The following SPATA16 variants were observed in gnomAD, a reference collection of about 807,000 sequenced individuals.
The protein encoded by SPATA16 is spermatogenesis associated 16.
A neutral mutation model predicts 63.3 loss-of-function variants in SPATA16; 36 were observed. The observed-to-expected ratio is 0.57, with a 90% CI of 0.44 to 0.75. The LOEUF is 0.75. Ranked by LOEUF, SPATA16 falls within the 30% of genes least tolerant of loss-of-function variation. SPATA16 has a pLI of 0.00. For synonymous variants in SPATA16, 203 were observed against 216.7 expected, an observed-to-expected ratio of 0.94 and a Z score of 0.56; for missense variants, 646 against 679.3, an observed-to-expected ratio of 0.95 and a Z score of 0.54.
chr3:173,104,214 G>A lies in SPATA16; in HGVS notation c.612+12906C>T, dbSNP rs192404257. 2.1e-3 allele frequency among the ~76,000 whole-genome samples: 324 copies of A among 152,252 alleles called. 1 individual carries two copies. The highest frequency in any genetic ancestry group is 7.6e-3 in the African/African-American group (316 of 41,556). On this transcript the variant is annotated intron_variant, in intron 2 of 10. Transcript: ENST00000351008. ...CAATTATTTAACCAGTTTCTAAGAAGTTCCAAAGTTTCCCTCATCTTCCTT... is the reference window on the plus strand; with the variant it reads ...CAATTATTTAACCAGTTTCTAAGAAATTCCAAAGTTTCCCTCATCTTCCTT...
chr3:172,952,044 C>A (rs1440450989), intron 6 of SPATA16, among the ~76,000 whole-genome samples: 1 of 152,096 alleles, frequency 6.6e-6, no homozygotes, highest in Admixed American at 6.6e-5. Context: ...TCTCTTGGAG[C>A]ATCAGTGTCT....
At chr3:172,907,398 A>G (rs1732265880) in intron 10 of SPATA16, among the ~76,000 whole-genome samples, 1 of 151,978 alleles carries the variant, frequency 6.6e-6, no homozygotes, top group African/African-American at 2.4e-5. Context: ...TCATTTCCCT[A>G]CTTCTATTCT....
chr3:172,989,116 T>C (rs1421186834), intron 4 of SPATA16, among the ~76,000 whole-genome samples: 2 of 152,168 alleles, frequency 1.3e-5, no homozygotes, highest in Non-Finnish European at 2.9e-5. Context: ...GTTCTGCTTG[T>C]ACTAAAATCT....
chr3:172,950,878 C>G (rs1443240539), intron 6 of SPATA16, among the ~76,000 whole-genome samples: 1 of 152,036 alleles, frequency 6.6e-6, no homozygotes, highest in East Asian at 1.9e-4. Flanking sequence ...TTAAACATTA[C>G]TAACCACAGA....
intron 5 of SPATA16, among the ~76,000 whole-genome samples, chr3:172,959,120 T>C (rs1733675965): frequency 6.6e-6 from 1 of 152,138 alleles, no homozygotes; most frequent in South Asian, 2.1e-4. Flanking sequence ...TCCAGTTTGC[T>C]TCCAGAAAGA....
At chr3:173,079,711 C>G (rs1736882766) in intron 2 of SPATA16, among the ~76,000 whole-genome samples, 1 of 152,174 alleles carries the variant, frequency 6.6e-6, no homozygotes, top group Non-Finnish European at 1.5e-5. Flanking sequence ...CAACACAAAC[C>G]TGTAAACTAA....
intron 10 of SPATA16, among the ~76,000 whole-genome samples, chr3:172,906,587 A>T (rs751989570): frequency 6.6e-6 from 1 of 152,154 alleles, no homozygotes; most frequent in Admixed American, 6.5e-5. Flanking sequence ...TACAGACAAC[A>T]GTGCTGGTCA....
intron 1 of SPATA16, among the ~76,000 whole-genome samples, chr3:173,129,567 C>A (rs1403948712): frequency 6.6e-6 from 1 of 151,450 alleles, no homozygotes; most frequent in African/African-American, 2.4e-5. Context: ...TCTGTGTATT[C>A]ACTGTATTAT....
At chr3:173,077,558 C>T (rs1207932719) in intron 2 of SPATA16, among the ~76,000 whole-genome samples, 3 of 152,228 alleles carry the variant, frequency 2.0e-5, no homozygotes, top group South Asian at 2.1e-4. Context: ...TTCCCAGAGC[C>T]GGTGGTGAGA....
At chr3:173,035,247 G>A (rs771893337) in intron 3 of SPATA16, among the ~76,000 whole-genome samples, 13 of 152,222 alleles carry the variant, frequency 8.5e-5, no homozygotes, top group South Asian at 2.1e-4. Flanking sequence ...TAAACTGTGC[G>A]ATGCTTGCAA....
At chr3:172,910,616 C>T (rs1732349588) in intron 10 of SPATA16, among the ~76,000 whole-genome samples, 1 of 151,754 alleles carries the variant, frequency 6.6e-6, no homozygotes, top group African/African-American at 2.4e-5. Flanking sequence ...TTTCTATAGC[C>T]AACAGAGATA....
chr3:173,073,155 G>T (rs1358986684), intron 2 of SPATA16, among the ~76,000 whole-genome samples: 7 of 152,190 alleles, frequency 4.6e-5, no homozygotes, highest in South Asian at 4.1e-4. Context: ...TTCAAGAGGT[G>T]ACTTGGGTGC....
chr3:172,987,488 C>T (rs1449892019), intron 4 of SPATA16, among the ~76,000 whole-genome samples: 2 of 152,194 alleles, frequency 1.3e-5, no homozygotes, highest in African/African-American at 4.8e-5. Context: ...AGGGAACCCT[C>T]ACCTTCAGGT....
chr3:173,133,789 A>T (rs1183628784), intron 1 of SPATA16, among the ~76,000 whole-genome samples: 4 of 152,232 alleles, frequency 2.6e-5, no homozygotes, highest in African/African-American at 9.6e-5. Context: ...AAAAGAAAGA[A>T]AGGAAAAAGG....
intron 10 of SPATA16, among the ~76,000 whole-genome samples, chr3:172,894,936 AC>A (rs1731978016): frequency 6.6e-6 from 1 of 152,196 alleles, no homozygotes; most frequent in Non-Finnish European, 1.5e-5. Flanking sequence ...TTCATAAGCT[AC>A]CCAGGCTATG....
At chr3:173,012,824 C>A (rs181876789) in intron 4 of SPATA16, among the ~76,000 whole-genome samples, 1 of 152,288 alleles carries the variant, frequency 6.6e-6, no homozygotes, top group African/African-American at 2.4e-5. Context: ...CTATAAAAAT[C>A]TTGGAAGAAA....
chr3:172,957,733 T>G (rs1208207525), intron 5 of SPATA16, among the ~76,000 whole-genome samples: 1 of 152,178 alleles, frequency 6.6e-6, no homozygotes, highest in Non-Finnish European at 1.5e-5. Context: ...ATAATAGATA[T>G]AAGCTTTTCA....
intron 4 of SPATA16, among the ~76,000 whole-genome samples, chr3:173,016,311 G>A (rs1735185166): frequency 1.3e-5 from 2 of 152,204 alleles, no homozygotes; most frequent in South Asian, 4.1e-4. Context: ...ACCACAGGGA[G>A]TAGCATTTCC....
At chr3:172,911,441 C>G (rs976500240) in intron 10 of SPATA16, among the ~76,000 whole-genome samples, 2 of 152,252 alleles carry the variant, frequency 1.3e-5, no homozygotes, top group East Asian at 1.9e-4. Context: ...TTCCCCAGCC[C>G]GAAGACATGG....
Sources: gnomAD v4.1 joint callset for allele counts (sites outside exome capture counted in the v4.1 genomes callset) on GRCh38, gnomAD v4.1.1 for gene constraint, MANE v1.5 for transcripts, NCBI Gene and HGNC (gene_info 2026-07-23, HGNC 2026-07-21) for gene names.